The following APOD variants were observed in gnomAD, a reference collection of about 807,000 sequenced individuals.
APOD encodes the protein apo-D.
In APOD, 22 loss-of-function variants were observed where a neutral mutation model predicts 20.4. That is an observed-to-expected ratio of 1.08 (90% confidence interval 0.77 to 1.54). The LOEUF (loss-of-function observed/expected upper bound fraction) is 1.54, where lower values mean the gene tolerates loss of function less well. Ranked by LOEUF, APOD falls within the 40% of genes most tolerant of loss-of-function variation. The pLI is 0.00. For missense variants in APOD, 223 were observed against 229.6 expected (o/e 0.97, Z 0.19); for synonymous variants, 97 against 92.4 (o/e 1.05, Z -0.29).
intron 2 of APOD, among the ~76,000 whole-genome samples, chr3:195,574,752 A>C (rs950209132): frequency 1.3e-5 from 2 of 152,228 alleles, no homozygotes; most frequent in Non-Finnish European, 2.9e-5. Flanking sequence ...ACAAGATAGG[A>C]AACAGCCTAT....
Position 195,568,781 on chromosome 3 carries a change from T to G in APOD, c.*119A>C. On this transcript the variant is annotated 3_prime_UTR_variant, in exon 5 of 5. Coordinates refer to ENST00000343267, the MANE Select transcript of APOD (RefSeq NM_001647.4). ...AGCAAGGTAACAGGGTAGGGCATGGTTACATGTTCAGGTCAACTTCCTTTG... is the reference window on the plus strand; with the variant it reads ...AGCAAGGTAACAGGGTAGGGCATGGGTACATGTTCAGGTCAACTTCCTTTG... 1.4e-6 allele frequency: 1 copy of G among 733,726 alleles called. No homozygotes were observed. Among genetic ancestry groups the G allele is most frequent in the Non-Finnish European group, 2.4e-6 (1 of 418,472 alleles). 45.5% of individuals were successfully genotyped at this position (733,726 alleles called of 1,614,324 possible).
rs555012277 is a variant in APOD, at chr3:195,569,230, G to A, written c.335-95C>T. ...GCTGGCCCAGACAACCACCCACCAA[G>A]CCCCCCACCTCTGATTTTGTTTATC... On this transcript the variant is annotated intron_variant, in intron 4 of 4. Transcript: ENST00000343267. The A allele has an allele frequency of 1.6e-5, 16 of 1,001,336 alleles. No individual in the cohort carries two copies. The East Asian group carries it at 2.2e-4, about 14-fold the overall frequency. 62.0% of individuals were successfully genotyped at this position (1,001,336 alleles called of 1,614,324 possible).
rs1720238464 is a variant in APOD at position 195,575,810 on chromosome 3, T to C, written c.124-1839A>G. Reference sequence around the variant, plus strand: ...GCCCGGCTAATTTTTGTATTTTTACTGGAGAAGGGGTTTCACCATGTTGGC... The same window carrying C: ...GCCCGGCTAATTTTTGTATTTTTACCGGAGAAGGGGTTTCACCATGTTGGC... On this transcript the variant is annotated intron_variant, in intron 2 of 4. Transcript: ENST00000343267. Among the ~76,000 whole-genome samples the C allele has an allele frequency of 3.3e-5, 5 of 152,232 alleles. No individual in the cohort carries two copies. The South Asian group carries it at 1.0e-3, about 32-fold the overall frequency.
At chr3:195,580,368 C>CTTTTTTTTTTT (rs201305902) in intron 1 of APOD, among the ~76,000 whole-genome samples, 1 of 140,642 alleles carries the variant, frequency 7.1e-6, no homozygotes, top group African/African-American at 2.7e-5. Context: ...TTTCTTTCTT[C>CTTTTTTTTTTT]TTTTTTTTTT....
intron 1 of APOD, chr3:195,583,054 G>C (rs1487796429): frequency 6.6e-6 from 1 of 152,236 alleles, no homozygotes; most frequent in Non-Finnish European, 1.5e-5. Flanking sequence ...TGCTCCACTT[G>C]CATTAAGCTT....
rs1720111463 is a variant in APOD at position 195,569,104 on chromosome 3, G to C, written c.366C>G (p.Ala122=). The change falls in exon 5 of 5, where the codon GCC becomes GCG. Residue 122 remains alanine, a synonymous_variant. Coordinates refer to ENST00000343267, the MANE Select transcript of APOD (RefSeq NM_001647.4). ...FMPSAPYWIL[A]TDYENYALVY... ...CGAGGGCATAGTTCTCATAGTCGGT[G>C]GCCAGGATCCAGTACGGTGCCGATG... is the stretch of plus-strand genomic sequence containing the variant. The C allele has an allele frequency of 6.2e-7, 1 of 1,614,028 alleles. No individual in the cohort carries two copies. Among genetic ancestry groups the C allele is most frequent in the Non-Finnish European group, 8.5e-7 (1 of 1,180,028 alleles).
rs1720150453 is a variant in APOD, at chr3:195,571,101, C to A, written c.334+176G>T. The A allele has an allele frequency of 1.2e-5, 8 of 654,624 alleles. No homozygotes were observed. In the South Asian group the frequency reaches 1.4e-4, roughly 11 times the overall value. The allele number at this position is 654,624 out of a possible 1,614,324, so 40.6% of individuals were successfully genotyped here. Reference sequence around the variant, plus strand: ...CCATAAGTACCAAGGCCAGCTCTGTCCGGCTCATCATGGCAACCCTAGTGC... The same window carrying A: ...CCATAAGTACCAAGGCCAGCTCTGTACGGCTCATCATGGCAACCCTAGTGC... On this transcript the variant is annotated intron_variant, in intron 4 of 4. Coordinates refer to ENST00000343267, the MANE Select transcript of APOD (RefSeq NM_001647.4).
chr3:195,579,601 C>A (rs770300829), intron 1 of APOD, 106 bp from the exon 2 acceptor site: 4 of 1,204,578 alleles, frequency 3.3e-6, no homozygotes, highest in Non-Finnish European at 3.5e-6. Flanking sequence ...GGCGGTCCCT[C>A]CTCTTCTCTC....
intron 1 of APOD, chr3:195,582,532 G>A (rs1055824384): frequency 6.6e-6 from 1 of 152,140 alleles, no homozygotes; most frequent in African/African-American, 2.4e-5. Flanking sequence ...CTTGAGGTTA[G>A]GAGTTTGAGA....
intron 2 of APOD, among the ~76,000 whole-genome samples, chr3:195,578,997 G>C (rs1720291119): frequency 6.6e-6 from 1 of 152,184 alleles, no homozygotes; most frequent in Admixed American, 6.5e-5. Flanking sequence ...GCTGGCAGCA[G>C]CTGTGGGACA....
intron 2 of APOD, among the ~76,000 whole-genome samples, 164 bp from the exon 3 acceptor site, chr3:195,574,135 T>G (rs1720212613): frequency 6.6e-6 from 1 of 152,174 alleles, no homozygotes; most frequent in African/African-American, 2.4e-5. Flanking sequence ...AATGAGAATC[T>G]GTGACTAGGA....
intron 1 of APOD, among the ~76,000 whole-genome samples, chr3:195,580,088 G>A (rs1478478584): frequency 6.6e-6 from 1 of 152,044 alleles, no homozygotes; most frequent in Non-Finnish European, 1.5e-5. Context: ...GGGGCTCCAG[G>A]GTCACCCCAG....
At chr3:195,578,699 G>C (rs539509940) in intron 2 of APOD, among the ~76,000 whole-genome samples, 6 of 152,306 alleles carry the variant, frequency 3.9e-5, no homozygotes, top group Non-Finnish European at 5.9e-5. Context: ...AGCCCTGTTT[G>C]AGTGACCTTT....
At chr3:195,578,408 G>C (rs909629701) in intron 2 of APOD, among the ~76,000 whole-genome samples, 1 of 152,114 alleles carries the variant, frequency 6.6e-6, no homozygotes, top group Non-Finnish European at 1.5e-5. Flanking sequence ...CTTGAGGTGC[G>C]AGTGTATGAT....
chr3:195,569,151 A>G lies in APOD; in HGVS notation c.335-16T>C, dbSNP rs371728130. ...GATGGCATAACTGAGAACCAGAGAG[A>G]GGCAGCATTATTGGAGGGAGAGGGC... On this transcript the variant is annotated splice_polypyrimidine_tract_variant and intron_variant, in intron 4 of 4. Coordinates refer to ENST00000343267, the MANE Select transcript of APOD (RefSeq NM_001647.4). 4.4e-6 allele frequency: 7 copies of G among 1,607,128 alleles called. No homozygotes were observed. The African/African-American group carries it at 8.0e-5, about 18-fold the overall frequency.
At chr3:195,571,475 G>A in intron 3 of APOD, 110 bp from the exon 4 acceptor site, 5 of 944,910 alleles carry the variant, frequency 5.3e-6, no homozygotes, top group South Asian at 1.6e-5. Context: ...ACTAAGGACC[G>A]TGGCAGCCAA....
At chr3:195,576,058 C>T (rs941130654) in intron 2 of APOD, among the ~76,000 whole-genome samples, 1 of 152,168 alleles carries the variant, frequency 6.6e-6, no homozygotes, top group African/African-American at 2.4e-5. Context: ...ACATTCATGA[C>T]CATAAAGTTC....
At chr3:195,571,236 T>G in intron 4 of APOD, 41 bp downstream of exon 4, 2 of 1,575,686 alleles carry the variant, frequency 1.3e-6, no homozygotes, top group African/African-American at 1.3e-5. Context: ...AGTTTGCATA[T>G]TTCCTGTCCC....
chr3:195,580,465 C>T (rs1720318347), intron 1 of APOD, among the ~76,000 whole-genome samples: 1 of 151,006 alleles, frequency 6.6e-6, no homozygotes, highest in Admixed American at 6.6e-5. Flanking sequence ...AGTGCAGTGG[C>T]ACAATCTCGG....
Sources: allele counts gnomAD v4.1 joint callset (sites outside exome capture counted in the v4.1 genomes callset), GRCh38; gene constraint gnomAD v4.1.1; transcripts MANE v1.5; gene names NCBI Gene and HGNC (gene_info 2026-07-23, HGNC 2026-07-21).